CEP128: variants seen among roughly 807,000 people sequenced by gnomAD.
The protein encoded by CEP128 is centrosomal protein 128.
In CEP128, 132 loss-of-function variants were observed where a neutral mutation model predicts 156.7. The observed-to-expected ratio is 0.84, with a 90% CI of 0.73 to 0.97. CEP128 has a LOEUF of 0.97. Ranked by LOEUF, CEP128 falls within the 50% of genes least tolerant of loss-of-function variation. The pLI, the probability that CEP128 is intolerant of heterozygous loss-of-function variation, is 0.00. For synonymous variants in CEP128, 469 were observed against 448.9 expected (o/e 1.04, Z -0.57); for missense variants, 1,252 against 1,281.9 (o/e 0.98, Z 0.36).
intron 23 of CEP128, among the ~76,000 whole-genome samples, chr14:80,525,920 G>C (rs1888953735): frequency 6.6e-6 from 1 of 152,120 alleles, no homozygotes; most frequent in African/African-American, 2.4e-5. Context: ...ACTGTAATAA[G>C]TGAATATATA....
intron 9 of CEP128, among the ~76,000 whole-genome samples, chr14:80,851,414 G>A (rs1485748593): frequency 6.6e-6 from 1 of 152,114 alleles, no homozygotes; most frequent in Non-Finnish European, 1.5e-5. Flanking sequence ...GGTCACAATT[G>A]AGCCTGAGGA....
At chr14:80,645,437 A>G (rs767428512) in intron 19 of CEP128, among the ~76,000 whole-genome samples, 1 of 152,160 alleles carries the variant, frequency 6.6e-6, no homozygotes, top group Admixed American at 6.5e-5. Context: ...GAATGGTAAA[A>G]ATGAAGATAA....
chr14:80,641,717 T>C (rs1415253069), intron 19 of CEP128, among the ~76,000 whole-genome samples: 1 of 152,126 alleles, frequency 6.6e-6, no homozygotes, highest in Non-Finnish European at 1.5e-5. Context: ...TCAAGACTAA[T>C]TATCCCAACA....
At chr14:80,558,579 C>T (rs1306890342) in intron 21 of CEP128, among the ~76,000 whole-genome samples, 3 of 152,066 alleles carry the variant, frequency 2.0e-5, no homozygotes, top group African/African-American at 7.2e-5. Context: ...TGAGCCACCG[C>T]GCCTGGCCAA....
Position 80,759,310 on chromosome 14 carries a change from A to G in CEP128, c.2553+2127T>C, listed in dbSNP as rs1002309628. Among the ~76,000 whole-genome samples, 5 of 152,336 alleles carry G rather than the reference A, an allele frequency of 3.3e-5. No homozygotes were observed. The East Asian group carries it at 7.7e-4, about 23-fold the overall frequency. ...ACATATCTATTTTCTAATCTATTCC[A>G]TAGCACTGTTACTCTTTACATACAA... On this transcript the variant is annotated intron_variant, in intron 17 of 24. Coordinates refer to ENST00000555265, the MANE Select transcript of CEP128 (RefSeq NM_152446.5).
chr14:80,749,669 G>A (rs1465703302), intron 18 of CEP128, among the ~76,000 whole-genome samples: 2 of 152,094 alleles, frequency 1.3e-5, no homozygotes, highest in Admixed American at 1.3e-4. Context: ...TGGTTAATGG[G>A]TATATATAGA....
intron 19 of CEP128, among the ~76,000 whole-genome samples, chr14:80,594,478 T>G (rs1298477712): frequency 6.6e-6 from 1 of 152,156 alleles, no homozygotes; most frequent in Non-Finnish European, 1.5e-5. Context: ...AAATGGGATC[T>G]AATTAAACTA....
In CEP128 at chr14:80,916,563, C is replaced by T. The variant is rs1314088230; in HGVS notation, c.-15-1G>A. ...ATTCTGCCATTGATGTACACAAATC[C>T]TTTTAAATAAATATAGGTCAAAGTT... On this transcript the variant is annotated splice_acceptor_variant, in intron 2 of 24. Coordinates refer to ENST00000555265, the MANE Select transcript of CEP128 (RefSeq NM_152446.5). LOFTEE classifies it low-confidence loss of function (5UTR_SPLICE). The T allele has an allele frequency of 1.2e-6, 2 of 1,605,338 alleles. No homozygotes were observed. Among genetic ancestry groups the T allele is most frequent in the South Asian group, 2.2e-5 (2 of 89,882 alleles).
chr14:80,748,095 C>T (rs1185905417), intron 18 of CEP128, among the ~76,000 whole-genome samples: 24 of 152,290 alleles, frequency 1.6e-4, no homozygotes, highest in Non-Finnish European at 3.2e-4. Flanking sequence ...GCTAAAATTA[C>T]ACCTCTATGA....
In CEP128 at chr14:80,679,976, G is replaced by A. The variant is rs1896250688; in HGVS notation, c.2806+63099C>T. Among the ~76,000 whole-genome samples, 4 of 152,214 alleles carry A rather than the reference G, an allele frequency of 2.6e-5. No individual in the cohort carries two copies. In the South Asian group the frequency reaches 6.2e-4, roughly 24 times the overall value. On this transcript the variant is annotated intron_variant, in intron 19 of 24. Transcript: ENST00000555265. The stretch of plus-strand genomic sequence containing the variant: ...AAGAACCTACGTTGAAATATTGGGG[G>A]TGGGTTCCCCCGATAGGTCCATACA...
intron 9 of CEP128, among the ~76,000 whole-genome samples, chr14:80,842,008 A>C (rs1053493957): frequency 6.6e-6 from 1 of 151,886 alleles, no homozygotes; most frequent in East Asian, 1.9e-4. Flanking sequence ...AATAAAAGAA[A>C]CTCTAATTCT....
chr14:80,491,439 G>A (rs559148400), intron 6 of CEP128, among the ~76,000 whole-genome samples: 148 of 152,238 alleles, frequency 9.7e-4, no homozygotes, highest in African/African-American at 3.2e-3. Context: ...GAAAGAAAAA[G>A]TCCCTAGGTT....
At chr14:80,532,690 C>T (rs909157478) in intron 21 of CEP128, among the ~76,000 whole-genome samples, 3 of 152,156 alleles carry the variant, frequency 2.0e-5, no homozygotes, top group Non-Finnish European at 4.4e-5. Context: ...TGATTGCTTT[C>T]CATTGCTATC....
rs1595332572 is a variant in CEP128, at chr14:80,743,141, G to A, written c.2740C>T (p.Gln914Ter). 6.2e-7 allele frequency: 1 copy of A among 1,613,708 alleles called. No homozygotes were observed. The highest frequency in any genetic ancestry group is 8.5e-7 in the Non-Finnish European group (1 of 1,179,768). ...NLTENKESEL[Q>*]CLFQQIERQE... ...CTTTCTATCTGTTGAAAGAGACACT[G>A]CAACTCAGATTCCTTGTTTTCAGTC... The change falls in exon 19 of 25, where the codon CAG becomes TAG. Residue 914 changes from glutamine to a stop codon, truncating the protein, a stop_gained. Transcript: ENST00000555265. LOFTEE classifies it high-confidence loss of function.
intron 21 of CEP128, among the ~76,000 whole-genome samples, chr14:80,549,202 C>T (rs1330824454): frequency 6.6e-6 from 1 of 152,144 alleles, no homozygotes; most frequent in African/African-American, 2.4e-5. Context: ...TTTCCGTTTG[C>T]CCTCGATGCG....
At chr14:80,903,134 C>A (rs755454243) in intron 6 of CEP128, among the ~76,000 whole-genome samples, 2 of 151,930 alleles carry the variant, frequency 1.3e-5, no homozygotes, top group Admixed American at 6.6e-5. Flanking sequence ...GTAATCAAAA[C>A]AGCATGGTAC....
At chr14:80,799,206 G>A (rs1045978805) in intron 13 of CEP128, among the ~76,000 whole-genome samples, 2 of 152,198 alleles carry the variant, frequency 1.3e-5, no homozygotes, top group African/African-American at 4.8e-5. Flanking sequence ...GACCCCAAAC[G>A]GAGGGACTGG....
chr14:80,668,400 A>G (rs1895711632), intron 19 of CEP128, among the ~76,000 whole-genome samples: 1 of 152,146 alleles, frequency 6.6e-6, no homozygotes, highest in Non-Finnish European at 1.5e-5. Flanking sequence ...ATGAAATAGA[A>G]AACTATTGAA....
At chr14:80,725,629 G>A (rs117655156) in intron 19 of CEP128, among the ~76,000 whole-genome samples, 1,658 of 152,196 alleles carry the variant, frequency 0.011, 11 homozygotes, top group Non-Finnish European at 0.015. Flanking sequence ...AAAGTTTTCT[G>A]ACTCCAAGAA....
Sources: allele counts gnomAD v4.1 joint callset (sites outside exome capture counted in the v4.1 genomes callset), GRCh38; gene constraint gnomAD v4.1.1; transcripts MANE v1.5; gene names NCBI Gene and HGNC (gene_info 2026-07-23, HGNC 2026-07-21).